Variants in CRB1 observed in about 807,000 individuals in gnomAD.
The protein encoded by CRB1 is crumbs cell polarity complex component 1, also known as protein crumbs homolog 1.
A neutral mutation model predicts 120.0 loss-of-function variants in CRB1; 83 were observed. The observed-to-expected ratio is 0.69, with a 90% CI of 0.58 to 0.83. The LOEUF (loss-of-function observed/expected upper bound fraction) is 0.83, where lower values mean the gene tolerates loss of function less well. Among genes scored for constraint, CRB1 ranks in the 40% least tolerant of loss-of-function variants. The pLI, the probability that CRB1 is intolerant of heterozygous loss-of-function variation, is 0.00. For missense variants in CRB1, 1,699 were observed against 1,687.6 expected (o/e 1.01, Z -0.12); for synonymous variants, 625 against 612.5 (o/e 1.02, Z -0.30).
In CRB1 at chr1:197,427,837, A is replaced by C; in HGVS notation, c.2512A>C (p.Lys838Gln). 1 of 1,614,078 alleles carries C rather than the reference A, an allele frequency of 6.2e-7. No homozygotes were observed. The highest frequency in any genetic ancestry group is 8.5e-7 in the Non-Finnish European group (1 of 1,179,990). ...DVIYIGGLPD[K>Q]QETELNGGFF... is the part of the protein sequence containing the mutation. The stretch of plus-strand genomic sequence containing the variant: ...CATCTACATTGGTGGCCTACCTGAC[A>C]AGCAAGAGACTGAACTTAATGGTGG... Residue 838 changes from lysine (K) to glutamine (Q), a missense_variant, in exon 7 of 12, where the codon AAG becomes CAG. By Grantham distance (53) the Lys-to-Gln change is moderately conservative (BLOSUM62 1). Transcript: ENST00000367400.
At chr1:197,230,995 T>A in the CRB1 span, among the ~76,000 whole-genome samples, 1 of 152,154 alleles carries the variant, frequency 6.6e-6, no homozygotes, top group Non-Finnish European at 1.5e-5. Context: ...AGGCACAGTG[T>A]TTTGCAAACT....
chr1:197,376,594 T>G (rs1661659786), intron 5 of CRB1, among the ~76,000 whole-genome samples: 1 of 152,162 alleles, frequency 6.6e-6, no homozygotes, highest in African/African-American at 2.4e-5. Context: ...GCTTCTCCTT[T>G]AAGCTGTGTT....
intron 5 of CRB1, among the ~76,000 whole-genome samples, chr1:197,411,023 A>C (rs1240012120): frequency 6.6e-6 from 1 of 152,138 alleles, no homozygotes; most frequent in Non-Finnish European, 1.5e-5. Flanking sequence ...ATAAAATTCC[A>C]TGTGTTAGAC....
chr1:197,325,061 A>C (rs1033153114), intron 1 of CRB1, among the ~76,000 whole-genome samples: 1 of 152,192 alleles, frequency 6.6e-6, no homozygotes, highest in African/African-American at 2.4e-5. Flanking sequence ...TCAAAGTAAG[A>C]ATTTCACAGC....
intron 5 of CRB1, among the ~76,000 whole-genome samples, chr1:197,407,012 ACCT>A (rs1663445616): frequency 6.6e-6 from 1 of 152,038 alleles, no homozygotes; most frequent in Admixed American, 6.6e-5. Flanking sequence ...ACCTCCAAAC[ACCT>A]CCTCTCTCTT....
intron 3 of CRB1, among the ~76,000 whole-genome samples, chr1:197,345,992 A>AC (rs1659749721): frequency 6.6e-6 from 1 of 152,172 alleles, no homozygotes; most frequent in Admixed American, 6.5e-5. Context: ...AAGTTTCCAC[A>AC]CAAGGCCTCC....
At chr1:197,284,804 T>A (rs1485203083) in intron 1 of CRB1, among the ~76,000 whole-genome samples, 1 of 148,214 alleles carries the variant, frequency 6.7e-6, no homozygotes, top group Admixed American at 6.6e-5. Flanking sequence ...ATTCTGATAT[T>A]GTAATTTAAA....
rs764106920 is a variant in CRB1, at chr1:197,427,878, T to C, written c.2553T>C (p.Cys851=). 5 of 1,613,944 alleles carry C rather than the reference T, an allele frequency of 3.1e-6. No homozygotes were observed. In the African/African-American group the frequency reaches 6.7e-5, roughly 22 times the overall value. ...TELNGGFFKG[C]IQDVRLNNQN... ...TTAATGGTGGATTCTTCAAAGGCTG[T>C]ATCCAAGATGTAAGACTAAACAACC... is the stretch of plus-strand genomic sequence containing the variant. Residue 851 remains cysteine, a synonymous_variant, in exon 7 of 12, where the codon TGT becomes TGC. Transcript: ENST00000367400.
the CRB1 span, among the ~76,000 whole-genome samples, chr1:197,256,825 A>G: frequency 6.9e-6 from 1 of 144,466 alleles, no homozygotes; most frequent in Non-Finnish European, 1.5e-5. Context: ...AAAATTTCAG[A>G]AAAAAAAACA....
the CRB1 span, among the ~76,000 whole-genome samples, chr1:197,230,217 A>G: frequency 6.4e-4 from 97 of 152,332 alleles, no homozygotes; most frequent in African/African-American, 2.1e-3. Context: ...GTCTTAATCC[A>G]TTCAGATAAT....
intron 5 of CRB1, among the ~76,000 whole-genome samples, chr1:197,391,286 G>T (rs915911581): frequency 1.3e-5 from 2 of 152,016 alleles, no homozygotes; most frequent in African/African-American, 4.8e-5. Context: ...TGCCTTGTTG[G>T]CCTGTCCACC....
the CRB1 span, among the ~76,000 whole-genome samples, chr1:197,246,000 C>T: frequency 1.3e-5 from 2 of 152,090 alleles, no homozygotes; most frequent in African/African-American, 4.8e-5. Flanking sequence ...AGCAGGGCTC[C>T]TATGACACTA....
intron 1 of CRB1, among the ~76,000 whole-genome samples, chr1:197,315,601 C>T (rs1051974797): frequency 1.3e-5 from 2 of 152,212 alleles, no homozygotes; most frequent in African/African-American, 4.8e-5. Context: ...TGAAATTATA[C>T]TTCATGAATA....
At chr1:197,325,030 G>A (rs1170676802) in intron 1 of CRB1, among the ~76,000 whole-genome samples, 1 of 152,142 alleles carries the variant, frequency 6.6e-6, no homozygotes, top group Non-Finnish European at 1.5e-5. Context: ...CATTTGTTCT[G>A]CTTGATTTTA....
intron 2 of CRB1, among the ~76,000 whole-genome samples, chr1:197,330,485 C>A (rs775870368): frequency 7.2e-5 from 11 of 152,194 alleles, no homozygotes; most frequent in Non-Finnish European, 1.6e-4. Context: ...GTGGCCATGT[C>A]CTCACACATT....
chr1:197,472,192 T>G (rs1667011956), intron 11 of CRB1, among the ~76,000 whole-genome samples: 1 of 152,206 alleles, frequency 6.6e-6, no homozygotes, highest in South Asian at 2.1e-4. Flanking sequence ...AATTGACACA[T>G]TCAAACATTT....
At chr1:197,321,776 G>C (rs923594760) in intron 1 of CRB1, among the ~76,000 whole-genome samples, 3 of 152,150 alleles carry the variant, frequency 2.0e-5, no homozygotes, top group Non-Finnish European at 4.4e-5. Context: ...TTCTGTGGCT[G>C]CTCAGGCCAG....
chr1:197,332,241 C>T (rs868219109), intron 2 of CRB1, among the ~76,000 whole-genome samples: 59 of 152,094 alleles, frequency 3.9e-4, no homozygotes, highest in African/African-American at 1.4e-3. Flanking sequence ...GGCACTTCAC[C>T]TTACAATGAA....
chr1:197,445,185 A>G (rs1016626722), intron 11 of CRB1, among the ~76,000 whole-genome samples: 1 of 152,150 alleles, frequency 6.6e-6, no homozygotes, highest in Admixed American at 6.5e-5. Flanking sequence ...AATTTACACT[A>G]ACTCCTCTGG....
Sources: gnomAD v4.1 joint callset for allele counts (sites outside exome capture counted in the v4.1 genomes callset) on GRCh38, gnomAD v4.1.1 for gene constraint, MANE v1.5 for transcripts, NCBI Gene and HGNC (gene_info 2026-07-23, HGNC 2026-07-21) for gene names.